Variants in CLVS1 observed in about 807,000 individuals in gnomAD.
The protein encoded by CLVS1 is clavesin-1.
In CLVS1, 10 loss-of-function variants were observed where a neutral mutation model predicts 33.1. The ratio of observed to expected loss-of-function variants is 0.30; its 90% CI spans 0.19 to 0.51. The LOEUF is 0.51. Ranked by LOEUF, CLVS1 falls within the 20% of genes least tolerant of loss-of-function variation. CLVS1 has a pLI of 0.97. For missense variants in CLVS1, 343 were observed against 433.4 expected, an observed-to-expected ratio of 0.79 and a Z score of 1.85; for synonymous variants, 163 against 166.1, an observed-to-expected ratio of 0.98 and a Z score of 0.14.
At chr8:61,102,490 C>A (rs1805468716) in intron 1 of CLVS1, among the ~76,000 whole-genome samples, 1 of 152,042 alleles carries the variant, frequency 6.6e-6, no homozygotes, top group Non-Finnish European at 1.5e-5. Context: ...TCTAATAGTT[C>A]TAAAAATGGC....
chr8:61,128,490 C>T (rs559801446), intron 1 of CLVS1, among the ~76,000 whole-genome samples: 5 of 152,252 alleles, frequency 3.3e-5, no homozygotes, highest in Admixed American at 3.3e-4. Flanking sequence ...TTCTAACAAT[C>T]GTTTTATCTT....
intron 2 of CLVS1, among the ~76,000 whole-genome samples, chr8:61,353,584 T>C (rs189901690): frequency 7.9e-5 from 12 of 151,980 alleles, no homozygotes; most frequent in Admixed American, 6.6e-4. Flanking sequence ...ATATATGAGA[T>C]GCAGATAAGA....
chr8:61,478,761 C>A (rs1414750698), intron 5 of CLVS1, among the ~76,000 whole-genome samples: 1 of 152,188 alleles, frequency 6.6e-6, no homozygotes, highest in East Asian at 1.9e-4. Flanking sequence ...TAGGTCTTGA[C>A]TCTTTATCCA....
intron 3 of CLVS1, among the ~76,000 whole-genome samples, chr8:61,405,960 T>C (rs936536712): frequency 1.3e-5 from 2 of 152,214 alleles, no homozygotes; most frequent in African/African-American, 2.4e-5. Flanking sequence ...CATATACTAA[T>C]TTTTGTGTAC....
At chr8:61,172,316 G>T (rs979918495) in intron 2 of CLVS1, among the ~76,000 whole-genome samples, 4 of 150,518 alleles carry the variant, frequency 2.7e-5, no homozygotes, top group Non-Finnish European at 5.9e-5. Context: ...TTGGGGGAAA[G>T]GTCCTTAGTT....
intron 2 of CLVS1, among the ~76,000 whole-genome samples, chr8:61,159,784 T>G (rs1806717805): frequency 6.6e-6 from 1 of 152,168 alleles, no homozygotes; most frequent in African/African-American, 2.4e-5. Flanking sequence ...TCTCTGGAGC[T>G]TTGTCATGTG....
intron 2 of CLVS1, among the ~76,000 whole-genome samples, chr8:61,269,693 TGAGCAGTGGTTTGTA>T (rs1204940579): frequency 7.0e-6 from 1 of 143,500 alleles, no homozygotes; most frequent in Non-Finnish European, 1.5e-5. Flanking sequence ...TTTATTTCCT[TGAGCAGTGGTTTGTA>T]GTTCTCCTTG....
rs536022603 is a variant in CLVS1 at position 61,366,991 on chromosome 8, C to T, written c.456-9614C>T. Among the ~76,000 whole-genome samples, 15 of 152,224 alleles carry T rather than the reference C, an allele frequency of 9.9e-5. No individual in the cohort carries two copies. The South Asian group carries it at 3.1e-3, about 32-fold the overall frequency. ...CACAACTACAGCACCTCTGACTCAC[C>T]TCCTACCTGACTTAGTTCCTTCAGT... On this transcript the variant is annotated intron_variant, in intron 2 of 5. Coordinates refer to ENST00000325897, the MANE Select transcript of CLVS1 (RefSeq NM_173519.3).
chr8:61,086,611 T>C (rs1026615693), intron 1 of CLVS1, among the ~76,000 whole-genome samples: 13 of 152,372 alleles, frequency 8.5e-5, no homozygotes, highest in African/African-American at 2.4e-4. Context: ...TTACTTTTTT[T>C]TTTCAAGTTG....
At chr8:60,967,662 A>G in the CLVS1 span, 1 of 455,936 alleles carries the variant, frequency 2.2e-6, no homozygotes, top group Non-Finnish European at 4.4e-6. Flanking sequence ...AGCCATTTGT[A>G]CAGACGTTTT....
intron 1 of CLVS1, among the ~76,000 whole-genome samples, chr8:61,121,114 C>T (rs148774341): frequency 0.02 from 2,977 of 151,862 alleles, 94 homozygotes; most frequent in African/African-American, 0.063. Flanking sequence ...GCGCAGTATT[C>T]GGGTGGGAGT....
chr8:61,420,190 A>G (rs1815599137), intron 3 of CLVS1, among the ~76,000 whole-genome samples: 1 of 152,090 alleles, frequency 6.6e-6, no homozygotes, highest in African/African-American at 2.4e-5. Context: ...CAATTTTCTC[A>G]CTCATACAAC....
chr8:61,411,841 G>A (rs73682300), intron 3 of CLVS1, among the ~76,000 whole-genome samples: 3,055 of 152,224 alleles, frequency 0.02, 103 homozygotes, highest in African/African-American at 0.069. Flanking sequence ...GAGTGGCCTG[G>A]GCATTTGGAT....
At chr8:61,454,113 G>T in intron 3 of CLVS1, 28 bp from the exon 4 acceptor site, 1 of 1,473,888 alleles carries the variant, frequency 6.8e-7, no homozygotes, top group Non-Finnish European at 9.5e-7. Context: ...CTTACTAATC[G>T]GTGTGCATTT....
chr8:61,139,851 G>A (rs1402467587), intron 2 of CLVS1, among the ~76,000 whole-genome samples: 2 of 152,106 alleles, frequency 1.3e-5, no homozygotes, highest in East Asian at 1.9e-4. Context: ...TTGTGCCGTC[G>A]CAGATTCCTG....
chr8:61,224,205 C>G lies in CLVS1; in HGVS notation c.-151-75472C>G, dbSNP rs201038952. On this transcript the variant is annotated intron_variant, in intron 2 of 2. Coordinates refer to the CLVS1 transcript ENST00000522621. ...TCTCCTCCTCCGTCCAGTTCTGCCC[C>G]CTTAATGGAGAGATGTTGTGATCAT... 9.2e-5 allele frequency among the ~76,000 whole-genome samples: 14 copies of G among 152,128 alleles called. No individual in the cohort carries two copies. The East Asian group carries it at 2.7e-3, about 30-fold the overall frequency.
At chr8:61,344,206 T>G (rs1464119799) in intron 2 of CLVS1, among the ~76,000 whole-genome samples, 1 of 152,154 alleles carries the variant, frequency 6.6e-6, no homozygotes, top group Admixed American at 6.5e-5. Context: ...AAAAAGAAAG[T>G]TTGACCAAAT....
intron 3 of CLVS1, among the ~76,000 whole-genome samples, chr8:61,418,958 A>C (rs1280103093): frequency 6.6e-6 from 1 of 151,586 alleles, no homozygotes; most frequent in Non-Finnish European, 1.5e-5. Flanking sequence ...CACATTGTCC[A>C]TGTTTGGCCC....
At position 61,458,515 on chromosome 8, in the gene CLVS1, G is replaced by C. The variant is rs1817245357; in HGVS notation, c.950G>C (p.Arg317Thr). Residue 317 changes from arginine (R) to threonine (T), a missense_variant, in exon 5 of 6, where the codon AGA (arginine) becomes ACA (threonine). Arg to Thr is a moderately conservative substitution (Grantham distance 71). This residue lies in a region of CLVS1 where 86 missense variants were observed against 95.0 expected (regional missense o/e 0.91). Transcript: ENST00000325897. ...HVKHTSSNLE[R>T]ECSPKLMKRS... is the part of the protein sequence containing the mutation. ...AAGCATACGTCCTCGAATCTGGAGA[G>C]AGAATGCTCACCCAAGCTGATGAAA... The C allele has an allele frequency of 1.2e-6, 2 of 1,611,810 alleles. No individual in the cohort carries two copies. The highest frequency in any genetic ancestry group is 8.5e-7 in the Non-Finnish European group (1 of 1,178,880).
Sources: allele counts gnomAD v4.1 joint callset (sites outside exome capture counted in the v4.1 genomes callset), GRCh38; gene constraint gnomAD v4.1.1; regional missense constraint gnomAD v4.1.1; transcripts MANE v1.5; gene names NCBI Gene and HGNC (gene_info 2026-07-23, HGNC 2026-07-21).